The following TEX11 variants were observed in gnomAD, a reference collection of about 807,000 sequenced individuals.
The protein encoded by TEX11 is testis-expressed protein 11.
TEX11 carries 7 observed loss-of-function variants against 84.4 expected under a neutral mutation model. The observed-to-expected ratio is 0.08, with a 90% CI of 0.05 to 0.16. The LOEUF is 0.16. Ranked by LOEUF, TEX11 falls within the 10% of genes least tolerant of loss-of-function variation. TEX11 has a pLI of 1.00. For synonymous variants in TEX11, 264 were observed against 222.8 expected (o/e 1.18, Z -1.64); for missense variants, 551 against 660.5 (o/e 0.83, Z 1.82).
At chrX:70,562,608 G>C (rs1016163899) in intron 25 of TEX11, among the ~76,000 whole-genome samples, 2 of 111,998 alleles carry the variant, frequency 1.8e-5, no homozygotes, top group African/African-American at 6.5e-5. Flanking sequence ...ATTCGTAATA[G>C]AGTCAGATTC....
Position 70,800,081 on chromosome X carries a change from A to G in TEX11, c.692+6624T>C, listed in dbSNP as rs189558726. 2.5e-3 allele frequency among the ~76,000 whole-genome samples: 281 copies of G among 111,682 alleles called. 2 individuals carry two copies. The highest frequency in any genetic ancestry group is 8.5e-3 in the African/African-American group (260 of 30,752). On this transcript the variant is annotated intron_variant, in intron 9 of 29. Coordinates refer to ENST00000374333, the MANE Select transcript of TEX11 (RefSeq NM_031276.3). ...TGGGGATGTTACTCAATTAATTAATATAAAGTTTTTTAACATTAAATATCT... is the reference window on the plus strand; with the variant it reads ...TGGGGATGTTACTCAATTAATTAATGTAAAGTTTTTTAACATTAAATATCT...
At chrX:70,739,083 C>T (rs999039418) in intron 11 of TEX11, among the ~76,000 whole-genome samples, 1 of 111,505 alleles carries the variant, frequency 9.0e-6, no homozygotes, top group African/African-American at 3.3e-5. Context: ...CAAACCTGCA[C>T]ATTCTGCACA....
At chrX:70,535,773 G>GTT (rs1307477395) in intron 28 of TEX11, among the ~76,000 whole-genome samples, 7 of 101,451 alleles carry the variant, frequency 6.9e-5, no homozygotes, top group East Asian at 3.1e-4. Flanking sequence ...AAACTTATGG[G>GTT]TTTTTTTTTT....
chrX:70,597,627 A>G (rs751310780), intron 24 of TEX11, among the ~76,000 whole-genome samples: 1 of 111,877 alleles, frequency 8.9e-6, no homozygotes, highest in Non-Finnish European at 1.9e-5. Context: ...CTCAAAATGG[A>G]TCACAGATCT....
intron 16 of TEX11, among the ~76,000 whole-genome samples, chrX:70,655,343 AC>A (rs2089854085): frequency 9.0e-6 from 1 of 111,545 alleles, no homozygotes; most frequent in Non-Finnish European, 1.9e-5. Context: ...GGATGTAACC[AC>A]ATCGTAAGTC....
chrX:70,747,017 G>A (rs781174772), intron 9 of TEX11, among the ~76,000 whole-genome samples: 2 of 112,157 alleles, frequency 1.8e-5, no homozygotes, highest in Non-Finnish European at 3.8e-5. Context: ...AACACCAACT[G>A]AAAGGTAAGC....
At chrX:70,626,633 T>A (rs1265116910) in intron 18 of TEX11, among the ~76,000 whole-genome samples, 1 of 111,852 alleles carries the variant, frequency 8.9e-6, no homozygotes, top group East Asian at 2.8e-4. Context: ...TTTATTGTAT[T>A]CATCTGGCAA....
chrX:70,562,319 A>AT (rs1244446149), intron 25 of TEX11, among the ~76,000 whole-genome samples: 2 of 110,399 alleles, frequency 1.8e-5, no homozygotes, highest in Non-Finnish European at 3.8e-5. Flanking sequence ...CCCCAACCCC[A>AT]TTTTTTCCCG....
the TEX11 span, among the ~76,000 whole-genome samples, chrX:70,518,913 T>G: frequency 9.7e-4 from 109 of 112,060 alleles, no homozygotes; most frequent in East Asian, 6.2e-3. Context: ...AAGTCTGTTT[T>G]ATCAGAGACT....
intron 28 of TEX11, among the ~76,000 whole-genome samples, chrX:70,548,970 A>C (rs1023052977): frequency 2.5e-4 from 28 of 111,186 alleles, no homozygotes; most frequent in African/African-American, 7.9e-4. Flanking sequence ...CCTCAACCCC[A>C]GGCAGTGCAG....
chrX:70,853,277 C>T lies in TEX11; in HGVS notation c.376G>A (p.Ala126Thr), dbSNP rs746940663. Residue 126 changes from alanine to threonine, a missense_variant, in exon 6 of 30, where the codon GCT becomes ACT. By Grantham distance (58) the Ala-to-Thr change is moderately conservative. Coordinates refer to ENST00000374333, the MANE Select transcript of TEX11 (RefSeq NM_031276.3). ...EWLDAGNFLIADECFQAAVAS... is the reference protein window; with the variant it reads ...EWLDAGNFLITDECFQAAVAS... ...ACAGCAGCTTGAAAACATTCATCAG[C>T]GATTAGAAAATTTCCAGCATCCAAC... The T allele has an allele frequency of 8.3e-7, 1 of 1,209,736 alleles. No individual in the cohort carries two copies. The highest frequency in any genetic ancestry group is 3.0e-5 in the East Asian group (1 of 33,832).
chrX:70,731,105 T>C (rs1478324526), intron 11 of TEX11, among the ~76,000 whole-genome samples: 4 of 111,625 alleles, frequency 3.6e-5, no homozygotes, highest in Admixed American at 1.9e-4. Context: ...CTGAAACCAA[T>C]GAGAACAAAG....
At chrX:70,881,544 G>T (rs764626090) in intron 2 of TEX11, among the ~76,000 whole-genome samples, 2 of 110,440 alleles carry the variant, frequency 1.8e-5, no homozygotes, top group African/African-American at 6.6e-5. Context: ...AGATTTTTAA[G>T]CTGCTAAAAT....
intron 24 of TEX11, among the ~76,000 whole-genome samples, chrX:70,595,157 C>CT (rs1336113668): frequency 9.0e-6 from 1 of 111,551 alleles, no homozygotes; most frequent in Non-Finnish European, 1.9e-5. Flanking sequence ...TCTTGGCTCA[C>CT]TGCAACCTCT....
chrX:70,587,013 C>T (rs1209918859), intron 25 of TEX11, among the ~76,000 whole-genome samples: 7 of 112,220 alleles, frequency 6.2e-5, no homozygotes, highest in Non-Finnish European at 1.9e-5. Context: ...AAAGGTCACT[C>T]TTGCTATGCT....
At chrX:70,809,486 AAAG>A (rs200483660) in intron 8 of TEX11, among the ~76,000 whole-genome samples, 3,035 of 111,263 alleles carry the variant, frequency 0.027, 103 homozygotes, top group African/African-American at 0.093. Context: ...GGGAAAAAGA[AAAG>A]AAACTAAATT....
intron 25 of TEX11, among the ~76,000 whole-genome samples, chrX:70,558,202 C>T (rs1017004831): frequency 9.3e-6 from 1 of 108,026 alleles, no homozygotes; most frequent in African/African-American, 3.6e-5. Context: ...ATCAAGACAG[C>T]ATGGTACTGA....
At chrX:70,907,564 TTG>T (rs2091840562) in intron 2 of TEX11, among the ~76,000 whole-genome samples, 187 bp downstream of exon 2, 1 of 111,647 alleles carries the variant, frequency 9.0e-6, no homozygotes, top group Admixed American at 9.5e-5. Context: ...CAACTAATTT[TTG>T]TATGTTTAGT....
intron 27 of TEX11, among the ~76,000 whole-genome samples, chrX:70,552,513 T>C (rs1488575959): frequency 9.0e-6 from 1 of 111,445 alleles, no homozygotes; most frequent in Non-Finnish European, 1.9e-5. Context: ...GTCTATTATA[T>C]TTTATGAGCT....
Sources: gnomAD v4.1 joint callset for allele counts (sites outside exome capture counted in the v4.1 genomes callset) on GRCh38, gnomAD v4.1.1 for gene constraint, MANE v1.5 for transcripts, NCBI Gene and HGNC (gene_info 2026-07-23, HGNC 2026-07-21) for gene names.